The following EPS15 variants were observed in gnomAD, a reference collection of about 807,000 sequenced individuals.
EPS15 encodes the protein epidermal growth factor receptor substrate 15.
EPS15 carries 72 observed loss-of-function variants against 113.8 expected under a neutral mutation model. The observed-to-expected ratio is 0.63, with a 90% CI of 0.52 to 0.77. The LOEUF (loss-of-function observed/expected upper bound fraction) is 0.77, where lower values mean the gene tolerates loss of function less well. EPS15 is among the 30% of genes least tolerant of loss of function. The pLI is 0.00. For synonymous variants in EPS15, 344 were observed against 363.4 expected, an observed-to-expected ratio of 0.95 and a Z score of 0.61; for missense variants, 1,048 against 1,045.8, an observed-to-expected ratio of 1.00 and a Z score of -0.03.
chr1:51,368,847 C>T (rs1646572929), intron 21 of EPS15, among the ~76,000 whole-genome samples: 1 of 152,142 alleles, frequency 6.6e-6, no homozygotes, highest in South Asian at 2.1e-4. Flanking sequence ...AAGCAATCTG[C>T]CGGCCTAAGC....
chr1:51,498,593 C>T (rs367957734), intron 1 of EPS15, among the ~76,000 whole-genome samples: 1 of 152,180 alleles, frequency 6.6e-6, no homozygotes, highest in Admixed American at 6.5e-5. Context: ...GTAAGTTAGG[C>T]ATGTTGAATG....
At chr1:51,467,764 A>C (rs1570368722) in intron 5 of EPS15, among the ~76,000 whole-genome samples, 1 of 152,206 alleles carries the variant, frequency 6.6e-6, no homozygotes, top group African/African-American at 2.4e-5. Flanking sequence ...TGCGCATGTG[A>C]GGGATCTAGG....
chr1:51,447,534 A>G (rs921776312), intron 9 of EPS15, among the ~76,000 whole-genome samples: 3 of 152,094 alleles, frequency 2.0e-5, no homozygotes, highest in Non-Finnish European at 2.9e-5. Flanking sequence ...CCTTTACTCA[A>G]TCTGACAAGA....
At chr1:51,407,300 T>C (rs1325799845) in intron 15 of EPS15, among the ~76,000 whole-genome samples, 2 of 152,080 alleles carry the variant, frequency 1.3e-5, no homozygotes, top group Non-Finnish European at 2.9e-5. Context: ...CAGGCTCAAG[T>C]GATTCTCGTG....
intron 1 of EPS15, among the ~76,000 whole-genome samples, chr1:51,516,510 T>A (rs1644719925): frequency 6.6e-6 from 1 of 152,246 alleles, no homozygotes; most frequent in Non-Finnish European, 1.5e-5. Context: ...TCTAGCATTC[T>A]ATCATCTCTA....
chr1:51,417,002 T>C (rs1650281794), intron 13 of EPS15, among the ~76,000 whole-genome samples: 1 of 152,032 alleles, frequency 6.6e-6, no homozygotes, highest in African/African-American at 2.4e-5. Context: ...TTTAAGTCAA[T>C]GAACAGAAAG....
chr1:51,378,666 A>G (rs74080568), intron 21 of EPS15, among the ~76,000 whole-genome samples: 2,144 of 152,298 alleles, frequency 0.014, 53 homozygotes, highest in African/African-American at 0.049. Context: ...TTTGGATAAT[A>G]ATATATACGA....
At chr1:51,373,244 A>C (rs1396728244) in intron 21 of EPS15, 1 of 153,840 alleles carries the variant, frequency 6.5e-6, no homozygotes, top group Non-Finnish European at 1.4e-5. Flanking sequence ...CAGCTTTTTA[A>C]ATTTGTAAAT....
At chr1:51,367,227 C>T (rs1397686238) in intron 21 of EPS15, among the ~76,000 whole-genome samples, 1 of 152,076 alleles carries the variant, frequency 6.6e-6, no homozygotes, top group Non-Finnish European at 1.5e-5. Flanking sequence ...AGAAACCAGG[C>T]TACCAGGCAG....
chr1:51,393,172 T>C (rs1647560775), intron 21 of EPS15, among the ~76,000 whole-genome samples: 1 of 152,214 alleles, frequency 6.6e-6, no homozygotes, highest in Non-Finnish European at 1.5e-5. Context: ...CTAAATCTCA[T>C]CTTGTTACAA....
chr1:51,494,930 C>T (rs899476162), intron 1 of EPS15, among the ~76,000 whole-genome samples: 2 of 152,212 alleles, frequency 1.3e-5, no homozygotes, highest in African/African-American at 2.4e-5. Flanking sequence ...TGAAGGGACA[C>T]AATTCAACTC....
Position 51,408,118 on chromosome 1 carries a change from G to A in EPS15, c.1473+17C>T. 1 of 1,606,412 alleles carries A rather than the reference G, an allele frequency of 6.2e-7. No individual in the cohort carries two copies. The highest frequency in any genetic ancestry group is 2.2e-5 in the East Asian group (1 of 44,850). On this transcript the variant is annotated intron_variant, in intron 15 of 24. Coordinates refer to ENST00000371733, the MANE Select transcript of EPS15 (RefSeq NM_001981.3). ...GAGGATCCATTTGAATATATTTCTT[G>A]CTTTACAAAGACTTACTGAACTAAT...
chr1:51,481,483 TAA>T (rs1644019580), intron 1 of EPS15, among the ~76,000 whole-genome samples, 169 bp from the exon 2 acceptor site: 1 of 152,158 alleles, frequency 6.6e-6, no homozygotes, highest in Non-Finnish European at 1.5e-5. Flanking sequence ...AGAGAATAGA[TAA>T]AGATAGTCAC....
At chr1:51,500,318 T>C (rs1644390683) in intron 1 of EPS15, among the ~76,000 whole-genome samples, 1 of 152,216 alleles carries the variant, frequency 6.6e-6, no homozygotes, top group Non-Finnish European at 1.5e-5. Context: ...AGACATGAAA[T>C]TGCTGGATTA....
chr1:51,488,490 A>C (rs867614144), intron 1 of EPS15, among the ~76,000 whole-genome samples: 6 of 150,376 alleles, frequency 4.0e-5, no homozygotes, highest in Non-Finnish European at 5.9e-5. Flanking sequence ...AAAAAAAAAA[A>C]AAAAAACTCA....
chr1:51,439,482 A>G (rs1652416274), intron 12 of EPS15, among the ~76,000 whole-genome samples: 1 of 152,050 alleles, frequency 6.6e-6, no homozygotes, highest in South Asian at 2.1e-4. Context: ...TGTGAGGGTT[A>G]AAAAAAGAAA....
chr1:51,449,990 C>T (rs1014161512), intron 8 of EPS15, among the ~76,000 whole-genome samples: 6 of 151,726 alleles, frequency 4.0e-5, no homozygotes, highest in South Asian at 2.1e-4. Flanking sequence ...TACATGGCCT[C>T]GCTGTGAGTG....
At chr1:51,459,476 A>G (rs1410419312) in intron 8 of EPS15, among the ~76,000 whole-genome samples, 1 of 152,212 alleles carries the variant, frequency 6.6e-6, no homozygotes, top group Admixed American at 6.5e-5. Flanking sequence ...ATACTGGGCA[A>G]CAGAGCAAGA....
At chr1:51,440,253 A>T (rs1021648280) in intron 12 of EPS15, 94 bp downstream of exon 12, 6 of 457,882 alleles carry the variant, frequency 1.3e-5, no homozygotes. Context: ...TGTGGGGAGG[A>T]AGTTGTATAC....
Sources: allele counts gnomAD v4.1 joint callset (sites outside exome capture counted in the v4.1 genomes callset), GRCh38; gene constraint gnomAD v4.1.1; transcripts MANE v1.5; gene names NCBI Gene and HGNC (gene_info 2026-07-23, HGNC 2026-07-21).